Variants in CHRM2 observed in about 807,000 individuals in gnomAD.
CHRM2 encodes the protein muscarinic acetylcholine receptor M2.
In CHRM2, 8 loss-of-function variants were observed where a neutral mutation model predicts 25.0. That is an observed-to-expected ratio of 0.32 (90% CI 0.19 to 0.58). CHRM2 has a LOEUF of 0.58. Among genes scored for constraint, CHRM2 ranks in the 20% least tolerant of loss-of-function variants. The probability of loss-of-function intolerance (pLI) is 0.88; values close to 1 mark genes in which losing one functional copy is unlikely to be tolerated. For missense variants in CHRM2, 440 were observed against 567.1 expected, an observed-to-expected ratio of 0.78 and a Z score of 2.28; for synonymous variants, 202 against 205.7, an observed-to-expected ratio of 0.98 and a Z score of 0.15.
At chr7:136,900,268 AC>A (rs1214717326) in intron 2 of CHRM2, among the ~76,000 whole-genome samples, 1 of 152,040 alleles carries the variant, frequency 6.6e-6, no homozygotes, top group Non-Finnish European at 1.5e-5. Context: ...GGAAACAAAG[AC>A]CCTTAAACAG....
intron 3 of CHRM2, among the ~76,000 whole-genome samples, chr7:137,011,225 A>G (rs773310201): frequency 0.049 from 6,022 of 122,352 alleles, 181 homozygotes; most frequent in African/African-American, 0.11. Flanking sequence ...GTATATATAT[A>G]TATATATATG....
chr7:137,000,728 AC>A (rs1041694709), intron 3 of CHRM2, among the ~76,000 whole-genome samples: 5 of 147,190 alleles, frequency 3.4e-5, no homozygotes, highest in Non-Finnish European at 7.5e-5. Flanking sequence ...CTGTCTGTTC[AC>A]CTTTTTTTTT....
At chr7:137,003,887 C>T (rs1010536451) in intron 3 of CHRM2, among the ~76,000 whole-genome samples, 2 of 152,066 alleles carry the variant, frequency 1.3e-5, no homozygotes, top group Non-Finnish European at 2.9e-5. Flanking sequence ...CTCATGAGAT[C>T]TGATGATTTG....
Position 137,019,595 on chromosome 7 carries a change from T to C in CHRM2, c.*3329T>C, listed in dbSNP as rs1453735600. On this transcript the variant is annotated 3_prime_UTR_variant, in exon 4 of 4. Coordinates refer to ENST00000680005, the MANE Select transcript of CHRM2 (RefSeq NM_001006630.2). ...GTTTTTTCTCTCCTCATAGCAATAA[T>C]GTAGCTATCCCAGAGTGATATTATA... 1 of 151,872 alleles carries C rather than the reference T, an allele frequency of 6.6e-6. No individual in the cohort carries two copies. Among genetic ancestry groups the C allele is most frequent in the Non-Finnish European group, 1.5e-5 (1 of 67,876 alleles). The allele number at this position is 151,872 out of a possible 1,614,324, so 9.4% of individuals were successfully genotyped here.
intron 2 of CHRM2, among the ~76,000 whole-genome samples, chr7:136,906,050 AATTTTGT>A (rs1797520664): frequency 6.6e-6 from 1 of 151,258 alleles, no homozygotes; most frequent in Admixed American, 6.6e-5. Context: ...CTATTTAAAA[AATTTTGT>A]TACGTATAAT....
intron 2 of CHRM2, among the ~76,000 whole-genome samples, chr7:136,880,458 T>C (rs1375186537): frequency 6.6e-6 from 1 of 151,988 alleles, no homozygotes; most frequent in Non-Finnish European, 1.5e-5. Flanking sequence ...AACATTTGAC[T>C]ACATTTTAAA....
At chr7:136,918,621 T>C (rs1463203632) in intron 2 of CHRM2, among the ~76,000 whole-genome samples, 1 of 152,060 alleles carries the variant, frequency 6.6e-6, no homozygotes, top group Non-Finnish European at 1.5e-5. Context: ...AGAGACAGTG[T>C]CCCTACGTTG....
chr7:136,993,608 C>T (rs1021279190), intron 3 of CHRM2, among the ~76,000 whole-genome samples: 1 of 152,066 alleles, frequency 6.6e-6, no homozygotes, highest in Admixed American at 6.6e-5. Context: ...CAACTCTAGC[C>T]CAGTGGCTTT....
intron 2 of CHRM2, among the ~76,000 whole-genome samples, chr7:136,949,616 A>G (rs1213499519): frequency 6.6e-6 from 1 of 152,112 alleles, no homozygotes; most frequent in Non-Finnish European, 1.5e-5. Context: ...TGATAGAACA[A>G]GATCCTGTAT....
At chr7:136,935,425 G>T (rs1042329452) in intron 2 of CHRM2, among the ~76,000 whole-genome samples, 2 of 152,032 alleles carry the variant, frequency 1.3e-5, no homozygotes, top group Non-Finnish European at 2.9e-5. Context: ...AAATCAAGCT[G>T]GATTTCATTA....
Position 137,016,797 on chromosome 7 carries a change from G to T in CHRM2, c.*531G>T. Reference sequence around the variant, plus strand: ...TAAGCATATTTTATTCTTTTGTTACGGTCCTATTTAGAGGATTGGAATGTA... The same window carrying T: ...TAAGCATATTTTATTCTTTTGTTACTGTCCTATTTAGAGGATTGGAATGTA... On this transcript the variant is annotated 3_prime_UTR_variant, in exon 4 of 4. Coordinates refer to ENST00000680005, the MANE Select transcript of CHRM2 (RefSeq NM_001006630.2). 5.9e-6 allele frequency: 1 copy of T among 168,768 alleles called. No homozygotes were observed. The highest frequency in any genetic ancestry group is 1.4e-5 in the Non-Finnish European group (1 of 69,296). 10.5% of individuals were successfully genotyped at this position (168,768 alleles called of 1,614,324 possible).
At chr7:137,005,327 G>C (rs1459600271) in intron 3 of CHRM2, among the ~76,000 whole-genome samples, 1 of 152,102 alleles carries the variant, frequency 6.6e-6, no homozygotes, top group East Asian at 1.9e-4. Context: ...CTTAAGTAGA[G>C]ACATGCTTAA....
At chr7:136,933,926 T>A (rs1004617926) in intron 2 of CHRM2, among the ~76,000 whole-genome samples, 3 of 152,154 alleles carry the variant, frequency 2.0e-5, no homozygotes, top group African/African-American at 7.2e-5. Context: ...AAATTGCAAG[T>A]AACGGCTAAT....
At chr7:136,894,733 T>G (rs1190414627) in intron 2 of CHRM2, among the ~76,000 whole-genome samples, 1 of 152,186 alleles carries the variant, frequency 6.6e-6, no homozygotes, top group African/African-American at 2.4e-5. Flanking sequence ...AAAATGTTCT[T>G]AATGGTTTTT....
intron 2 of CHRM2, among the ~76,000 whole-genome samples, chr7:136,897,716 T>A (rs1199795935): frequency 6.6e-6 from 1 of 151,832 alleles, no homozygotes; most frequent in Non-Finnish European, 1.5e-5. Flanking sequence ...AAGACAGACA[T>A]GGATTTTGTG....
At chr7:136,983,272 G>T (rs1259792242) in intron 2 of CHRM2, among the ~76,000 whole-genome samples, 10 of 152,014 alleles carry the variant, frequency 6.6e-5, no homozygotes, top group Non-Finnish European at 1.5e-4. Flanking sequence ...AAGTTCTCGT[G>T]CTGTGTTTTT....
chr7:136,913,061 AT>A (rs901741152), intron 2 of CHRM2, among the ~76,000 whole-genome samples: 27 of 151,952 alleles, frequency 1.8e-4, no homozygotes, highest in Admixed American at 1.2e-3. Context: ...TGGAAAACTG[AT>A]TTTTATATGT....
chr7:136,875,194 AT>A (rs1181173910), intron 2 of CHRM2, among the ~76,000 whole-genome samples: 2 of 150,816 alleles, frequency 1.3e-5, no homozygotes, highest in African/African-American at 2.4e-5. Context: ...CAAGAAAAAA[AT>A]ATATATACAT....
intron 2 of CHRM2, among the ~76,000 whole-genome samples, chr7:136,898,116 T>G (rs1049253892): frequency 3.3e-5 from 5 of 152,258 alleles, no homozygotes; most frequent in Admixed American, 2.0e-4. Context: ...AAAATGAATT[T>G]AACAGAAAAA....
Sources: gnomAD v4.1 joint callset for allele counts (sites outside exome capture counted in the v4.1 genomes callset) on GRCh38, gnomAD v4.1.1 for gene constraint, MANE v1.5 for transcripts, NCBI Gene and HGNC (gene_info 2026-07-23, HGNC 2026-07-21) for gene names.